The following ZNF808 variants were observed in gnomAD, a reference collection of about 807,000 sequenced individuals.
ZNF808 encodes zinc finger protein 808.
Under a neutral mutation model 8.7 loss-of-function variants are expected in ZNF808, and 5 were observed. That is an observed-to-expected ratio of 0.58 (90% CI 0.30 to 1.21). The LOEUF is 1.21. ZNF808 is among the 50% of genes most tolerant of loss of function. ZNF808 has a pLI of 0.07. For synonymous variants in ZNF808, 380 were observed against 366.0 expected, an observed-to-expected ratio of 1.04 and a Z score of -0.44; for missense variants, 1,103 against 1,098.4, an observed-to-expected ratio of 1.00 and a Z score of -0.06.
chr19:52,543,245 C>A, intron 2 of ZNF808, 21 bp from the exon 3 acceptor site: 1 of 1,608,984 alleles, frequency 6.2e-7, no homozygotes, highest in Non-Finnish European at 8.5e-7. Context: ...AACATGAAGT[C>A]TTATTTTTTT....
chr19:52,552,867 A>G (rs1204057133), intron 4 of ZNF808, among the ~76,000 whole-genome samples: 4 of 152,102 alleles, frequency 2.6e-5, no homozygotes, highest in East Asian at 1.9e-4. Flanking sequence ...GCTTATACAT[A>G]TTTGTGCCCT....
At chr19:52,549,751 C>T (rs2059757563) in intron 4 of ZNF808, among the ~76,000 whole-genome samples, 2 of 152,152 alleles carry the variant, frequency 1.3e-5, no homozygotes, top group Admixed American at 6.6e-5. Flanking sequence ...GATCTGGATG[C>T]AAATACTGTT....
At chr19:52,549,649 G>C (rs377418) in intron 4 of ZNF808, among the ~76,000 whole-genome samples, 97,317 of 151,058 alleles carry the variant, frequency 0.64, 32,600 homozygotes, top group African/African-American at 0.83. Context: ...TTCCCACAGA[G>C]GTGCATGCAC....
At chr19:52,543,123 T>C in intron 2 of ZNF808, 143 bp from the exon 3 acceptor site, 2 of 805,412 alleles carry the variant, frequency 2.5e-6, no homozygotes, top group Non-Finnish European at 3.9e-6. Context: ...CCTGTGGGAC[T>C]TTCTTACCTC....
chr19:52,553,590 A>G lies in ZNF808; in HGVS notation c.674A>G (p.His225Arg), dbSNP rs781003695. The G allele has an allele frequency of 2.5e-6, 4 of 1,614,212 alleles. No individual in the cohort carries two copies. Among genetic ancestry groups the G allele is most frequent in the Non-Finnish European group, 3.4e-6 (4 of 1,180,032 alleles). The part of the protein sequence containing the change: ...SSLLPQKQEV[H>R]MREKSFPCNE... ...TTACTCCCACAAAAACAGGAAGTAC[A>G]CATGAGAGAAAAATCTTTCCCATGT... is the stretch of plus-strand genomic sequence containing the variant. The change falls in exon 5 of 5, where the codon CAC becomes CGC. Residue 225 changes from histidine (H) to arginine (R), a missense_variant. His to Arg is a conservative substitution (Grantham distance 29). Transcript: ENST00000359798.
chr19:52,547,490 T>G (rs774730614), intron 3 of ZNF808, 22 bp from the exon 4 acceptor site: 5 of 1,613,264 alleles, frequency 3.1e-6, no homozygotes, highest in Admixed American at 3.3e-5. Flanking sequence ...AATGTTTTGT[T>G]GAAATGTATG....
rs370649360 is a variant in ZNF808, at chr19:52,548,657, T to C, written c.190+1019T>C. Among the ~76,000 whole-genome samples the C allele has an allele frequency of 3.3e-5, 5 of 152,322 alleles. No individual in the cohort carries two copies. The East Asian group carries it at 9.7e-4, about 29-fold the overall frequency. ...CCAGGCTGGTTTTGATAGCCTGGCC[T>C]GATGTGATTCAGCTGCCTTGGATTC... On this transcript the variant is annotated intron_variant, in intron 4 of 4. Coordinates refer to ENST00000359798, the MANE Select transcript of ZNF808 (RefSeq NM_001039886.4).
At position 52,554,365 on chromosome 19, in the gene ZNF808, C is replaced by A. The variant is rs376143147; in HGVS notation, c.1449C>A (p.Tyr483Ter). 11 of 1,613,784 alleles carry A rather than the reference C, an allele frequency of 6.8e-6. No homozygotes were observed. Among genetic ancestry groups the A allele is most frequent in the African/African-American group, 1.3e-5 (1 of 74,866 alleles). Residue 483 changes from tyrosine (Y) to a stop codon, truncating the protein, a stop_gained, in exon 5 of 5, where the codon TAC becomes TAA. Transcript: ENST00000359798. LOFTEE classifies it low-confidence loss of function (END_TRUNC). ...HRRIHTGEKT[Y>*]KCNECRKTFS... ...GAATTCACACTGGAGAGAAAACTTA[C>A]AAGTGTAATGAGTGTCGCAAGACCT...
intron 4 of ZNF808, among the ~76,000 whole-genome samples, chr19:52,550,860 G>A (rs1400271022): frequency 6.6e-6 from 1 of 151,902 alleles, no homozygotes; most frequent in Non-Finnish European, 1.5e-5. Flanking sequence ...AGATTTTTCA[G>A]CCTTCAGTGA....
intron 1 of ZNF808, among the ~76,000 whole-genome samples, chr19:52,529,892 C>CATATAT (rs536138507): frequency 4.2e-5 from 6 of 141,944 alleles, no homozygotes; most frequent in African/African-American, 5.2e-5. Context: ...AGCTAGTTTA[C>CATATAT]ATATATATAT....
Position 52,555,078 on chromosome 19 carries a change from C to A in ZNF808, c.2162C>A (p.Ser721Tyr), listed in dbSNP as rs2059821880. Residue 721 changes from serine (S) to tyrosine (Y), a missense_variant, in exon 5 of 5, where the codon TCC (serine) becomes TAC (tyrosine). Coordinates refer to ENST00000359798, the MANE Select transcript of ZNF808 (RefSeq NM_001039886.4). ...AGCAAGACCTTCAGTAACAGGTCAT[C>A]CCTTGTATGCCATCGTAGAATTCAT... is the stretch of plus-strand genomic sequence containing the variant. ...ECSKTFSNRS[S>Y]LVCHRRIHSG... The A allele has an allele frequency of 1.9e-6, 3 of 1,613,768 alleles. No homozygotes were observed. The highest frequency in any genetic ancestry group is 3.3e-5 in the Admixed American group (2 of 59,944).
rs1441517901 is a variant in ZNF808 at position 52,550,183 on chromosome 19, C to T, written c.190+2545C>T. On this transcript the variant is annotated intron_variant, in intron 4 of 4. Transcript: ENST00000359798. ...GGTCATGTCCATGAACACTGTGGGC[C>T]TCCTGTCATTATTTGAGAAATAATG... 4.0e-5 allele frequency among the ~76,000 whole-genome samples: 6 copies of T among 151,874 alleles called. No homozygotes were observed. The East Asian group carries it at 5.8e-4, about 15-fold the overall frequency.
At chr19:52,566,985 T>G (rs2059874477), downstream of ZNF808, among the ~76,000 whole-genome samples, 1 of 148,812 alleles carries the variant, frequency 6.7e-6, no homozygotes, top group African/African-American at 2.5e-5. Context: ...GAGCTTCACT[T>G]TTGTCATCCA....
Position 52,552,192 on chromosome 19 carries a change from T to C in ZNF808, c.191-915T>C, listed in dbSNP as rs541433142. On this transcript the variant is annotated intron_variant, in intron 4 of 4. Coordinates refer to ENST00000359798, the MANE Select transcript of ZNF808 (RefSeq NM_001039886.4). ...GTCACCACGCCTGGCTATTTTTTTG[T>C]GTTTTTAGTAGAAACAGAGTTTCAC... 1.3e-4 allele frequency among the ~76,000 whole-genome samples: 20 copies of C among 151,838 alleles called. 1 individual carries two copies. In the South Asian group the frequency reaches 4.2e-3, roughly 32 times the overall value.
downstream of ZNF808, among the ~76,000 whole-genome samples, chr19:52,560,970 C>G (rs568708775): frequency 1.2e-4 from 18 of 152,220 alleles, no homozygotes; most frequent in African/African-American, 4.3e-4. Flanking sequence ...ACTACTCTCA[C>G]TGAGTAAGTC....
intron 2 of ZNF808, 129 bp from the exon 3 acceptor site, chr19:52,543,137 A>G (rs113708835): frequency 3.3e-6 from 3 of 900,758 alleles, no homozygotes; most frequent in East Asian, 2.6e-5. Flanking sequence ...TTACCTCTGC[A>G]TGATCTCTGG....
rs533326949 is a variant in ZNF808, at chr19:52,546,793, G to A, written c.64-719G>A. Among the ~76,000 whole-genome samples the A allele has an allele frequency of 2.6e-4, 40 of 151,432 alleles. No homozygotes were observed. The East Asian group carries it at 6.8e-3, about 26-fold the overall frequency. The stretch of plus-strand genomic sequence containing the variant: ...TGAGTAGCTGGGAGTACAGGCCTGC[G>A]CCACAACACCTAGCTAATTTTTGTA... On this transcript the variant is annotated intron_variant, in intron 3 of 4. Coordinates refer to ENST00000359798, the MANE Select transcript of ZNF808 (RefSeq NM_001039886.4).
At chr19:52,565,717 G>C (rs551438854), downstream of ZNF808, among the ~76,000 whole-genome samples, 3 of 152,130 alleles carry the variant, frequency 2.0e-5, no homozygotes, top group Admixed American at 6.5e-5. Context: ...TTCAATGAAA[G>C]GTTGATCAAA....
chr19:52,567,264 A>C (rs2059875136), downstream of ZNF808, among the ~76,000 whole-genome samples: 1 of 152,066 alleles, frequency 6.6e-6, no homozygotes, highest in African/African-American at 2.4e-5. Flanking sequence ...GGATAGCTTT[A>C]AATCAACAAA....
Sources: gnomAD v4.1 joint callset for allele counts (sites outside exome capture counted in the v4.1 genomes callset) on GRCh38, gnomAD v4.1.1 for gene constraint, MANE v1.5 for transcripts, NCBI Gene and HGNC (gene_info 2026-07-23, HGNC 2026-07-21) for gene names.